PRKN: variants seen among roughly 807,000 people sequenced by gnomAD.
PRKN encodes the protein parkin RBR E3 ubiquitin protein ligase.
A neutral mutation model predicts 59.5 loss-of-function variants in PRKN; 56 were observed. The observed-to-expected ratio is 0.94, with a 90% CI of 0.76 to 1.18. The LOEUF is 1.18. Ranked by LOEUF, PRKN falls within the 50% of genes most tolerant of loss-of-function variation. The pLI is 0.00. For missense variants in PRKN, 657 were observed against 596.4 expected (o/e 1.10, Z -1.06); for synonymous variants, 250 against 222.1 (o/e 1.13, Z -1.12).
chr6:161,909,070 G>A (rs1204345230), intron 6 of PRKN, among the ~76,000 whole-genome samples: 1 of 152,202 alleles, frequency 6.6e-6, no homozygotes, highest in Non-Finnish European at 1.5e-5. Context: ...AGGCTCTCCT[G>A]TTTGTTGGTA....
intron 1 of PRKN, among the ~76,000 whole-genome samples, chr6:162,454,919 A>G (rs1790796697): frequency 6.6e-6 from 1 of 152,182 alleles, no homozygotes; most frequent in Admixed American, 6.5e-5. Context: ...TTTCTTTCAG[A>G]GTAAGGTAAA....
chr6:162,403,492 A>C (rs1562737064), intron 2 of PRKN, among the ~76,000 whole-genome samples: 1 of 152,140 alleles, frequency 6.6e-6, no homozygotes, highest in Non-Finnish European at 1.5e-5. Context: ...ACCACTGTGC[A>C]TATCTGATGG....
intron 1 of PRKN, among the ~76,000 whole-genome samples, chr6:162,701,075 C>G (rs1029585345): frequency 6.6e-6 from 1 of 152,072 alleles, no homozygotes; most frequent in African/African-American, 2.4e-5. Context: ...CAAAAACTTG[C>G]TGAATAAAGG....
At chr6:161,920,722 G>A (rs183556534) in intron 6 of PRKN, among the ~76,000 whole-genome samples, 5 of 151,768 alleles carry the variant, frequency 3.3e-5, no homozygotes, top group East Asian at 3.9e-4. Context: ...CCCAGGAGGC[G>A]GAGGTTGCAG....
chr6:162,634,005 C>G (rs570597430), intron 1 of PRKN, among the ~76,000 whole-genome samples: 1 of 152,248 alleles, frequency 6.6e-6, no homozygotes, highest in East Asian at 1.9e-4. Flanking sequence ...ATATACCACA[C>G]GGTCTTGTGT....
At chr6:162,163,011 A>G (rs1782825217) in intron 4 of PRKN, among the ~76,000 whole-genome samples, 1 of 148,994 alleles carries the variant, frequency 6.7e-6, no homozygotes, top group Admixed American at 6.7e-5. Flanking sequence ...CTGTCTCAAA[A>G]AAATAAATAA....
intron 7 of PRKN, among the ~76,000 whole-genome samples, chr6:161,692,743 AAAAACAAAC>A (rs1450210451): frequency 2.0e-5 from 3 of 152,154 alleles, no homozygotes; most frequent in African/African-American, 7.2e-5. Flanking sequence ...TGTCTGCTAT[AAAAACAAAC>A]AAAACAAACA....
At chr6:162,034,630 C>A (rs907781040) in intron 5 of PRKN, among the ~76,000 whole-genome samples, 1 of 152,190 alleles carries the variant, frequency 6.6e-6, no homozygotes, top group African/African-American at 2.4e-5. Context: ...TTTGTTAACA[C>A]ACTTTTCCAA....
At chr6:162,613,161 C>T (rs1258300263) in intron 1 of PRKN, among the ~76,000 whole-genome samples, 1 of 152,156 alleles carries the variant, frequency 6.6e-6, no homozygotes, top group Non-Finnish European at 1.5e-5. Context: ...AGCATTTGGA[C>T]TAAAGCTGCA....
chr6:161,578,216 G>A lies in PRKN; in HGVS notation c.872-8800C>T, dbSNP rs1781207211. Among the ~76,000 whole-genome samples the A allele has an allele frequency of 6.6e-6, 1 of 152,150 alleles. No individual in the cohort carries two copies. Among genetic ancestry groups the A allele is most frequent in the Non-Finnish European group, 1.5e-5 (1 of 68,032 alleles). On this transcript the variant is annotated intron_variant, in intron 7 of 11. Coordinates refer to ENST00000366898, the MANE Select transcript of PRKN (RefSeq NM_004562.3). This position sits in a 1 kb window ranked among gnomAD's most constrained non-coding sequence, Gnocchi z 4.2. Reference sequence around the variant, plus strand: ...TTTGAGGAATCCAAGCAGCTGCTTGGCTGCAGATGAGAATTGAAAGCACCT... The same window carrying A: ...TTTGAGGAATCCAAGCAGCTGCTTGACTGCAGATGAGAATTGAAAGCACCT...
In PRKN at chr6:162,286,412, G is replaced by A. The variant is rs1583317162; in HGVS notation, c.172-23647C>T. Among the ~76,000 whole-genome samples, 3 of 152,148 alleles carry A rather than the reference G, an allele frequency of 2.0e-5. 1 individual carries two copies. In the South Asian group the frequency reaches 6.2e-4, roughly 32 times the overall value. The stretch of plus-strand genomic sequence containing the variant: ...ACCACCTCCTCCTTCCTGATAGTAT[G>A]TAGGCCATCTTCAAACTCCCTACAA... On this transcript the variant is annotated intron_variant, in intron 2 of 11. Transcript: ENST00000366898.
chr6:162,028,074 G>A (rs1370448241), intron 5 of PRKN, among the ~76,000 whole-genome samples: 1 of 152,140 alleles, frequency 6.6e-6, no homozygotes, highest in African/African-American at 2.4e-5. Flanking sequence ...GAAACACTGA[G>A]AACTGTCATG....
At chr6:162,612,179 T>C (rs768071432) in intron 1 of PRKN, among the ~76,000 whole-genome samples, 7 of 99,964 alleles carry the variant, frequency 7.0e-5, no homozygotes, top group South Asian at 3.2e-4. Flanking sequence ...GGAGACAGAG[T>C]GAGACTCCAT....
At chr6:162,556,403 G>GTGTGTC (rs1403886252) in intron 1 of PRKN, among the ~76,000 whole-genome samples, 1 of 139,434 alleles carries the variant, frequency 7.2e-6, no homozygotes, top group Non-Finnish European at 1.6e-5. Flanking sequence ...GTGTGTGTGT[G>GTGTGTC]TCAGTTTGGC....
chr6:162,172,686 G>A (rs771746205), intron 4 of PRKN, among the ~76,000 whole-genome samples: 4 of 152,118 alleles, frequency 2.6e-5, no homozygotes, highest in Non-Finnish European at 5.9e-5. Context: ...TGAATTCCCT[G>A]GTCCCTTGGT....
chr6:162,415,840 T>C (rs1018012238), intron 2 of PRKN, among the ~76,000 whole-genome samples: 2 of 152,106 alleles, frequency 1.3e-5, no homozygotes, highest in Non-Finnish European at 2.9e-5. Context: ...ACCTCAAATT[T>C]AAATAAAGAA....
Position 162,262,694 on chromosome 6 carries a change from A to G in PRKN, c.243T>C (p.Asn81=), listed in dbSNP as rs1295743463. The change falls in exon 3 of 12, where the codon AAT becomes AAC. Residue 81 remains asparagine, a synonymous_variant. Coordinates refer to ENST00000366898, the MANE Select transcript of PRKN (RefSeq NM_004562.3). ...QRPWRKGQEM[N]ATGGDDPRNA... Reference sequence around the variant, plus strand: ...TTCTGGGGTCGTCGCCTCCAGTTGCATTCATTTCTTGACCTTTTCTCCACG... The same window carrying G: ...TTCTGGGGTCGTCGCCTCCAGTTGCGTTCATTTCTTGACCTTTTCTCCACG... The G allele has an allele frequency of 6.2e-7, 1 of 1,611,560 alleles. No individual in the cohort carries two copies. The highest frequency in any genetic ancestry group is 8.5e-7 in the Non-Finnish European group (1 of 1,179,812).
At chr6:162,672,895 G>T (rs1284398871) in intron 1 of PRKN, among the ~76,000 whole-genome samples, 1 of 152,118 alleles carries the variant, frequency 6.6e-6, no homozygotes, top group African/African-American at 2.4e-5. Flanking sequence ...AAATGACTAT[G>T]TCAAGGTAAC....
chr6:162,065,471 C>T (rs1433452735), intron 4 of PRKN, among the ~76,000 whole-genome samples: 1 of 152,130 alleles, frequency 6.6e-6, no homozygotes, highest in Non-Finnish European at 1.5e-5. Context: ...GATGGGTCTT[C>T]TTCACCCAGT....
Sources: gnomAD v4.1 joint callset for allele counts (sites outside exome capture counted in the v4.1 genomes callset) on GRCh38, gnomAD v4.1.1 for gene constraint, Gnocchi (gnomAD v3.1) non-coding constraint, MANE v1.5 for transcripts, NCBI Gene and HGNC (gene_info 2026-07-23, HGNC 2026-07-21) for gene names.